CORIN: variants seen among roughly 807,000 people sequenced by gnomAD.
CORIN encodes corin, serine peptidase.
A neutral mutation model predicts 125.3 loss-of-function variants in CORIN; 117 were observed. That is an observed-to-expected ratio of 0.93 (90% CI 0.80 to 1.09). The LOEUF (loss-of-function observed/expected upper bound fraction) is 1.09, where lower values mean the gene tolerates loss of function less well. Ranked by LOEUF, CORIN falls within the 50% of genes least tolerant of loss-of-function variation. The pLI is 0.00. For synonymous variants in CORIN, 450 were observed against 466.4 expected, an observed-to-expected ratio of 0.96 and a Z score of 0.45; for missense variants, 1,253 against 1,306.7, an observed-to-expected ratio of 0.96 and a Z score of 0.63.
At chr4:47,706,361 G>C in intron 5 of CORIN, 9 of 1,591,344 alleles carry the variant, frequency 5.7e-6, no homozygotes, top group Non-Finnish European at 7.7e-6. Flanking sequence ...GCAGCCATCA[G>C]GTAAGCCAAG....
chr4:47,714,304 C>A (rs1726990588), intron 5 of CORIN, among the ~76,000 whole-genome samples: 1 of 152,008 alleles, frequency 6.6e-6, no homozygotes, highest in South Asian at 2.1e-4. Flanking sequence ...GTGATTAACA[C>A]AAACCGAAAA....
chr4:47,717,001 G>C (rs922324019), intron 5 of CORIN, among the ~76,000 whole-genome samples: 1 of 151,964 alleles, frequency 6.6e-6, no homozygotes, highest in Non-Finnish European at 1.5e-5. Flanking sequence ...AATTTCTATA[G>C]AAAGAATACT....
At chr4:47,633,285 A>G (rs982396038) in intron 16 of CORIN, among the ~76,000 whole-genome samples, 5 of 152,230 alleles carry the variant, frequency 3.3e-5, no homozygotes, top group African/African-American at 9.6e-5. Flanking sequence ...TCCATTTCCA[A>G]TATAAAAATT....
intron 5 of CORIN, among the ~76,000 whole-genome samples, chr4:47,724,879 G>C (rs887934312): frequency 1.3e-5 from 2 of 152,116 alleles, no homozygotes; most frequent in African/African-American, 4.8e-5. Flanking sequence ...TCTAATTATA[G>C]GAGTGACTGC....
intron 20 of CORIN, among the ~76,000 whole-genome samples, 175 bp downstream of exon 20, chr4:47,603,222 T>G (rs1041141651): frequency 3.9e-5 from 6 of 152,176 alleles, no homozygotes; most frequent in African/African-American, 1.4e-4. Context: ...TTCTCCTTGC[T>G]GCTGCCATGT....
At chr4:47,602,608 A>G (rs1363697576) in intron 20 of CORIN, among the ~76,000 whole-genome samples, 1 of 152,082 alleles carries the variant, frequency 6.6e-6, no homozygotes, top group African/African-American at 2.4e-5. Flanking sequence ...AGATAGAGAG[A>G]GTCCAAAGCA....
chr4:47,824,490 C>CT (rs1732657039), intron 1 of CORIN, among the ~76,000 whole-genome samples: 1 of 151,962 alleles, frequency 6.6e-6, no homozygotes, highest in African/African-American at 2.4e-5. Context: ...TTCTTTCTTT[C>CT]TTTTTTTGCT....
chr4:47,754,316 C>T (rs555325945), intron 4 of CORIN, among the ~76,000 whole-genome samples: 3 of 152,132 alleles, frequency 2.0e-5, no homozygotes, highest in Non-Finnish European at 4.4e-5. Context: ...AACTTTGCTA[C>T]AACCAGCTGC....
chr4:47,691,058 C>T (rs549909349), intron 6 of CORIN, among the ~76,000 whole-genome samples: 1 of 152,180 alleles, frequency 6.6e-6, no homozygotes, highest in African/African-American at 2.4e-5. Context: ...TTGGCAAATG[C>T]CTTGCAAAAC....
At chr4:47,703,309 A>G (rs1726394742) in intron 5 of CORIN, among the ~76,000 whole-genome samples, 1 of 152,194 alleles carries the variant, frequency 6.6e-6, no homozygotes, top group Non-Finnish European at 1.5e-5. Flanking sequence ...GCTACTTCTG[A>G]ACATCTGACC....
At chr4:47,642,908 T>C (rs2109614153) in intron 15 of CORIN, 1 of 1,503,966 alleles carries the variant, frequency 6.6e-7, no homozygotes, top group East Asian at 2.5e-5. Flanking sequence ...TTACAACATT[T>C]TGAACCCAAA....
intron 2 of CORIN, among the ~76,000 whole-genome samples, chr4:47,798,341 C>T (rs1731388443): frequency 6.6e-6 from 1 of 152,266 alleles, no homozygotes; most frequent in Non-Finnish European, 1.5e-5. Flanking sequence ...CTTTTCTAAT[C>T]AATAATCTTC....
chr4:47,716,148 T>G (rs970872768), intron 5 of CORIN, among the ~76,000 whole-genome samples: 8 of 152,228 alleles, frequency 5.3e-5, no homozygotes, highest in African/African-American at 1.9e-4. Context: ...TTGGAGGCAC[T>G]AAAGAGTAAC....
intron 5 of CORIN, among the ~76,000 whole-genome samples, chr4:47,716,353 A>C (rs920712525): frequency 1.3e-5 from 2 of 152,192 alleles, no homozygotes; most frequent in African/African-American, 4.8e-5. Flanking sequence ...GGAAGAAAAA[A>C]GGGCATAAAA....
At chr4:47,741,948 G>C (rs1209502809) in intron 5 of CORIN, among the ~76,000 whole-genome samples, 1 of 151,880 alleles carries the variant, frequency 6.6e-6, no homozygotes, top group Non-Finnish European at 1.5e-5. Flanking sequence ...TTTCTTTCTA[G>C]GGTGATAAAA....
intron 20 of CORIN, among the ~76,000 whole-genome samples, chr4:47,601,040 T>C (rs1389257086): frequency 6.6e-6 from 1 of 152,244 alleles, no homozygotes; most frequent in Non-Finnish European, 1.5e-5. Context: ...ATACACACTG[T>C]TCTTCTTTTA....
chr4:47,623,094 C>CTATA (rs1422298384), intron 19 of CORIN, among the ~76,000 whole-genome samples: 327 of 101,386 alleles, frequency 3.2e-3, no homozygotes, highest in Middle Eastern at 0.011. Context: ...CTCTCTCTCT[C>CTATA]TCTATATATA....
At chr4:47,790,255 G>A (rs1046020319) in intron 2 of CORIN, 8 of 969,254 alleles carry the variant, frequency 8.3e-6, no homozygotes, top group Admixed American at 6.2e-5. Flanking sequence ...AGACAGCCAA[G>A]TAAAAATGGC....
chr4:47,698,276 T>G (rs1726122124), intron 5 of CORIN, among the ~76,000 whole-genome samples: 2 of 151,708 alleles, frequency 1.3e-5, no homozygotes, highest in African/African-American at 4.8e-5. Flanking sequence ...TTAATATTAT[T>G]AATATTGGCA....
Sources: allele counts gnomAD v4.1 joint callset (sites outside exome capture counted in the v4.1 genomes callset), GRCh38; gene constraint gnomAD v4.1.1; transcripts MANE v1.5; gene names NCBI Gene and HGNC (gene_info 2026-07-23, HGNC 2026-07-21).